RALGAPA1: variants seen among roughly 807,000 people sequenced by gnomAD.
RALGAPA1 encodes the protein Ral GTPase activating protein catalytic subunit alpha 1.
Under a neutral mutation model 269.6 loss-of-function variants are expected in RALGAPA1, and 52 were observed. That is an observed-to-expected ratio of 0.19 (90% CI 0.15 to 0.24). The LOEUF is 0.24. RALGAPA1 is among the 10% of genes least tolerant of loss of function. RALGAPA1 has a pLI of 1.00. For synonymous variants in RALGAPA1, 817 were observed against 1,008.3 expected (o/e 0.81, Z 3.60); for missense variants, 1,917 against 3,013.9 (o/e 0.64, Z 8.52).
rs966727476 is a variant in RALGAPA1 at position 35,540,078 on chromosome 14, T to C, written c.*24-388A>G. The stretch of plus-strand genomic sequence containing the variant: ...TCAGGGTACAACCAAGAAAAGAGCC[T>C]TCACTACTCAAACTTGAAAAACAGC... On this transcript the variant is annotated intron_variant, in intron 41 of 41. Transcript: ENST00000680220. Among the ~76,000 whole-genome samples the C allele has an allele frequency of 2.0e-5, 3 of 152,026 alleles. No homozygotes were observed. In the South Asian group the frequency reaches 6.2e-4, roughly 32 times the overall value.
intron 28 of RALGAPA1, among the ~76,000 whole-genome samples, chr14:35,658,126 T>G (rs899309409): frequency 9.2e-5 from 14 of 152,084 alleles, no homozygotes; most frequent in African/African-American, 3.1e-4. Context: ...CTCAAAATCG[T>G]GATGAGAATT....
chr14:35,670,124 C>T (rs2064282547), intron 26 of RALGAPA1, among the ~76,000 whole-genome samples: 2 of 152,112 alleles, frequency 1.3e-5, no homozygotes, highest in South Asian at 4.1e-4. Flanking sequence ...TAATGTTGCC[C>T]AGCTTTTATT....
At position 35,689,159 on chromosome 14, in the gene RALGAPA1, C is replaced by CT; in HGVS notation, c.3251dup (p.Ser1085GlufsTer5). The CT allele has an allele frequency of 8.1e-7, 1 of 1,234,234 alleles. No homozygotes were observed. The highest frequency in any genetic ancestry group is 1.0e-6 in the Non-Finnish European group (1 of 989,364). 76.5% of individuals were successfully genotyped at this position (1,234,234 alleles called of 1,614,324 possible). A position where few individuals can be genotyped will look rare whatever the true frequency, so the allele number is the denominator to read the frequency against. On this transcript the variant is annotated frameshift_variant, in exon 18 of 42. Transcript: ENST00000680220. LOFTEE classifies it high-confidence loss of function. ...TGATTTTTTCATTAATTTGCACACTCTTAAGCTTTTCAACTAGTGTTACAT... is the reference window on the plus strand; with the variant it reads ...TGATTTTTTCATTAATTTGCACACTCTTTAAGCTTTTCAACTAGTGTTACAT...
At chr14:35,645,526 C>A (rs1356293246) in intron 31 of RALGAPA1, among the ~76,000 whole-genome samples, 2 of 151,978 alleles carry the variant, frequency 1.3e-5, no homozygotes. Flanking sequence ...GTCAGGAGAT[C>A]GAGACCATCC....
chr14:35,785,881 T>C (rs895059133), intron 1 of RALGAPA1, among the ~76,000 whole-genome samples: 7 of 152,118 alleles, frequency 4.6e-5, no homozygotes, highest in East Asian at 3.8e-4. Flanking sequence ...GTTTTGACTA[T>C]GGGAAGAAGG....
At chr14:35,554,918 A>G (rs1191134556) in intron 39 of RALGAPA1, among the ~76,000 whole-genome samples, 1 of 152,230 alleles carries the variant, frequency 6.6e-6, no homozygotes, top group Non-Finnish European at 1.5e-5. Flanking sequence ...AGGAATGAAT[A>G]AAGTTGGTTT....
At chr14:35,678,233 G>A in intron 21 of RALGAPA1, 131 bp from the exon 22 acceptor site, 1 of 770,054 alleles carries the variant, frequency 1.3e-6, no homozygotes, top group East Asian at 3.1e-5. Context: ...TGGCCAGGGA[G>A]GTCAAGAAAA....
intron 31 of RALGAPA1, among the ~76,000 whole-genome samples, chr14:35,638,254 C>T (rs546504227): frequency 6.6e-6 from 1 of 151,884 alleles, no homozygotes; most frequent in South Asian, 2.1e-4. Flanking sequence ...AAAATAATAA[C>T]AACAACTTTT....
chr14:35,691,795 T>G (rs2066503375), intron 17 of RALGAPA1, among the ~76,000 whole-genome samples: 1 of 152,204 alleles, frequency 6.6e-6, no homozygotes, highest in Non-Finnish European at 1.5e-5. Flanking sequence ...TTCCTAGTGA[T>G]ATACTAGTAG....
rs1340754872 is a variant in RALGAPA1, at chr14:35,728,501, T to A, written c.1597A>T (p.Ile533Leu). Residue 533 changes from isoleucine (I) to leucine (L), a missense_variant, in exon 13 of 42, where the codon ATA (isoleucine) becomes TTA (leucine). Ile to Leu is a conservative substitution (Grantham distance 5). This residue lies in a region of RALGAPA1 where 462 missense variants were observed against 725.6 expected (regional missense o/e 0.64). Coordinates refer to ENST00000680220, the MANE Select transcript of RALGAPA1 (RefSeq NM_001346249.2). Reference protein sequence around the residue: ...GTQAVLQVFIINSSNIFLLEP... With the variant: ...GTQAVLQVFILNSSNIFLLEP... ...AGAAGAAATATATTTGATGAGTTTA[T>A]AATAAACACCTAAGACAAAAGAAAT... 6.3e-7 allele frequency: 1 copy of A among 1,594,966 alleles called. No individual in the cohort carries two copies. The highest frequency in any genetic ancestry group is 8.5e-7 in the Non-Finnish European group (1 of 1,174,318).
chr14:35,695,990 A>G (rs2066865662), intron 17 of RALGAPA1, among the ~76,000 whole-genome samples: 1 of 152,218 alleles, frequency 6.6e-6, no homozygotes, highest in Non-Finnish European at 1.5e-5. Context: ...AACATATTGT[A>G]TCAAATTTGA....
At chr14:35,609,744 G>A (rs2059809273) in intron 35 of RALGAPA1, among the ~76,000 whole-genome samples, 3 of 151,776 alleles carry the variant, frequency 2.0e-5, no homozygotes, top group South Asian at 2.1e-4. Flanking sequence ...GCAACACAGA[G>A]AGACCCCATC....
chr14:35,597,778 T>C (rs1441651017), intron 36 of RALGAPA1, among the ~76,000 whole-genome samples: 1 of 152,222 alleles, frequency 6.6e-6, no homozygotes, highest in Non-Finnish European at 1.5e-5. Flanking sequence ...TTCAAGAATG[T>C]TGTACGAATT....
chr14:35,688,332 T>C (rs2066139090), intron 18 of RALGAPA1, 127 bp downstream of exon 18: 5 of 1,057,064 alleles, frequency 4.7e-6, no homozygotes, highest in Non-Finnish European at 6.8e-6. Context: ...GGCGCATGCA[T>C]AACCAAACAG....
At chr14:35,677,375 T>G (rs1293072078) in intron 22 of RALGAPA1, 1 of 153,880 alleles carries the variant, frequency 6.5e-6, no homozygotes, top group Non-Finnish European at 1.4e-5. Context: ...TGTCTGATGT[T>G]TGTTACATTA....
chr14:35,599,986 T>TGGGTTTCACCGACCTTTTTGAATCTACAG, intron 36 of RALGAPA1, among the ~76,000 whole-genome samples: 1 of 152,240 alleles, frequency 6.6e-6, no homozygotes, highest in South Asian at 2.1e-4. Context: ...TTATCCTGTT[T>TGGGTTTCACCGACCTTTTTGAATCTACAG]GGGTTTCACC....
rs2061616798 is a variant in RALGAPA1 at position 35,635,589 on chromosome 14, A to G, written c.5686T>C (p.Ser1896Pro). The part of the protein sequence containing the change: ...SYEMDKRLVV[S>P]LLLCLLDWIM... ...CAGTCCAGAAGGCAGAGAAGTAAAG[A>G]TACTACCAACTGTAACAACAATAGA... The change falls in exon 32 of 42, where the codon TCT (serine) becomes CCT (proline). Residue 1896 changes from serine to proline, a missense_variant. Coordinates refer to ENST00000680220, the MANE Select transcript of RALGAPA1 (RefSeq NM_001346249.2). The G allele has an allele frequency of 1.3e-6, 2 of 1,584,406 alleles. No homozygotes were observed. The highest frequency in any genetic ancestry group is 1.7e-6 in the Non-Finnish European group (2 of 1,166,986).
At chr14:35,721,153 T>C (rs2069379068) in intron 16 of RALGAPA1, among the ~76,000 whole-genome samples, 1 of 152,196 alleles carries the variant, frequency 6.6e-6, no homozygotes, top group Admixed American at 6.5e-5. Flanking sequence ...CGTTGTTCCT[T>C]TGCTGCTATT....
chr14:35,651,621 G>C (rs1158824866), intron 31 of RALGAPA1, among the ~76,000 whole-genome samples, 184 bp downstream of exon 31: 1 of 152,034 alleles, frequency 6.6e-6, no homozygotes, highest in Non-Finnish European at 1.5e-5. Flanking sequence ...TTATCAAATG[G>C]CAATGAAATG....
Sources: gnomAD v4.1 joint callset for allele counts (sites outside exome capture counted in the v4.1 genomes callset) on GRCh38, gnomAD v4.1.1 for gene constraint, gnomAD v4.1.1 regional missense constraint, MANE v1.5 for transcripts, NCBI Gene and HGNC (gene_info 2026-07-23, HGNC 2026-07-21) for gene names.